Variants in DTNB observed in about 807,000 individuals in gnomAD.
DTNB encodes dystrobrevin beta.
DTNB carries 63 observed loss-of-function variants against 90.7 expected under a neutral mutation model. The observed-to-expected ratio is 0.69, with a 90% CI of 0.57 to 0.86. The LOEUF is 0.86. DTNB is among the 40% of genes least tolerant of loss of function. The pLI, the probability that DTNB is intolerant of heterozygous loss-of-function variation, is 0.00. For missense variants in DTNB, 744 were observed against 807.1 expected, an observed-to-expected ratio of 0.92 and a Z score of 0.95; for synonymous variants, 277 against 286.7, an observed-to-expected ratio of 0.97 and a Z score of 0.34.
At chr2:25,611,423 A>T (rs532586926) in intron 4 of DTNB, among the ~76,000 whole-genome samples, 1 of 152,330 alleles carries the variant, frequency 6.6e-6, no homozygotes, top group East Asian at 1.9e-4. Flanking sequence ...TAAGGATTAT[A>T]TACAATCAGC....
In DTNB at chr2:25,638,906, G is replaced by A. The variant is rs1004699028; in HGVS notation, c.148+108C>T. ...AGCTTACATACTAATAAATACTTAA[G>A]ACAAAAATAATTCAATTAACATTAC... On this transcript the variant is annotated intron_variant, in intron 3 of 20. Transcript: ENST00000406818. 20 of 1,138,076 alleles carry A rather than the reference G, an allele frequency of 1.8e-5. No homozygotes were observed. The African/African-American group carries it at 2.3e-4, about 13-fold the overall frequency. The allele number at this position is 1,138,076 out of a possible 1,614,324, so 70.5% of individuals were successfully genotyped here. A position where few individuals can be genotyped will look rare whatever the true frequency, so the allele number is the denominator to read the frequency against.
intron 5 of DTNB, among the ~76,000 whole-genome samples, chr2:25,606,930 T>C (rs1234831925): frequency 1.3e-5 from 2 of 152,218 alleles, no homozygotes; most frequent in East Asian, 3.8e-4. Context: ...CTCAATATAA[T>C]CATTTTCAAG....
At chr2:25,508,154 CT>C (rs2072963246) in intron 9 of DTNB, among the ~76,000 whole-genome samples, 1 of 152,038 alleles carries the variant, frequency 6.6e-6, no homozygotes, top group Non-Finnish European at 1.5e-5. Flanking sequence ...AGATTTTTGC[CT>C]GTTTCCCACC....
Position 25,455,417 on chromosome 2 carries a change from T to C in DTNB, c.1157A>G (p.Gln386Arg), listed in dbSNP as rs1279559356. The change falls in exon 11 of 21, where the codon CAG becomes CGG. Residue 386 changes from glutamine to arginine, a missense_variant. Physicochemically the swap from Gln to Arg is conservative, Grantham distance 43. Coordinates refer to ENST00000406818, the MANE Select transcript of DTNB (RefSeq NM_021907.5). ...CACCACCACTGACCGTGCACAGTGC[T>C]GCAGACGGGCCACATAGGAGGCTAT... ...ALIASYVARLQHCARVLDSPS... is the reference protein window; with the variant it reads ...ALIASYVARLRHCARVLDSPS... 2 of 1,600,016 alleles carry C rather than the reference T, an allele frequency of 1.2e-6. No homozygotes were observed. Among genetic ancestry groups the C allele is most frequent in the Non-Finnish European group, 1.7e-6 (2 of 1,173,712 alleles).
In DTNB at chr2:25,391,855, T is replaced by G. The variant is rs1231580764; in HGVS notation, c.1576-3494A>C. ...CAACAATGAAATCAAGATGGAAATTTAAAAATTCTTTGAACTGAATAATAG... is the reference window on the plus strand; with the variant it reads ...CAACAATGAAATCAAGATGGAAATTGAAAAATTCTTTGAACTGAATAATAG... On this transcript the variant is annotated intron_variant, in intron 16 of 20. Coordinates refer to ENST00000406818, the MANE Select transcript of DTNB (RefSeq NM_021907.5). 3.3e-5 allele frequency among the ~76,000 whole-genome samples: 5 copies of G among 152,172 alleles called. No homozygotes were observed. In the East Asian group the frequency reaches 9.6e-4, roughly 29 times the overall value.
intron 16 of DTNB, among the ~76,000 whole-genome samples, chr2:25,403,272 C>G (rs2044233514): frequency 6.6e-6 from 1 of 152,204 alleles, no homozygotes; most frequent in African/African-American, 2.4e-5. Flanking sequence ...CCCGCCACCA[C>G]ACCCCGCTAA....
chr2:25,573,191 C>T (rs192239838), intron 8 of DTNB, among the ~76,000 whole-genome samples: 1 of 152,002 alleles, frequency 6.6e-6, no homozygotes, highest in Non-Finnish European at 1.5e-5. Context: ...AGATATCTGC[C>T]CGCCTTGGCC....
chr2:25,414,248 G>GT (rs1003223710), intron 16 of DTNB, among the ~76,000 whole-genome samples: 9 of 151,484 alleles, frequency 5.9e-5, no homozygotes, highest in Non-Finnish European at 1.0e-4. Context: ...TCTGATGGTA[G>GT]TTTTTTTTTG....
At chr2:25,646,414 G>A (rs1461740823) in intron 2 of DTNB, among the ~76,000 whole-genome samples, 1 of 151,946 alleles carries the variant, frequency 6.6e-6, no homozygotes, top group African/African-American at 2.4e-5. Flanking sequence ...GGAGATTGCA[G>A]TGAGCCGAGA....
intron 9 of DTNB, among the ~76,000 whole-genome samples, chr2:25,526,395 A>ATAATTTTT: frequency 2.0e-5 from 1 of 49,858 alleles, no homozygotes. Context: ...ATATATATAT[A>ATAATTTTT]TTTTTTTTTT....
chr2:25,535,470 G>A, intron 8 of DTNB, among the ~76,000 whole-genome samples: 1 of 147,322 alleles, frequency 6.8e-6, no homozygotes, highest in Non-Finnish European at 1.5e-5. Context: ...CCAGGCAGAG[G>A]CGCTCCCCAC....
intron 4 of DTNB, 138 bp downstream of exon 4, chr2:25,628,033 G>A (rs901340221): frequency 3.2e-6 from 3 of 930,730 alleles, no homozygotes; most frequent in African/African-American, 1.7e-5. Flanking sequence ...ACCGTGCCCA[G>A]CCAATAATTT....
intron 12 of DTNB, among the ~76,000 whole-genome samples, chr2:25,442,412 G>A (rs1272909677): frequency 6.6e-6 from 1 of 152,130 alleles, no homozygotes; most frequent in East Asian, 1.9e-4. Context: ...AACCCCCAGT[G>A]CTCAGGTTGT....
chr2:25,425,549 T>C (rs904484905), intron 15 of DTNB, among the ~76,000 whole-genome samples: 1 of 152,212 alleles, frequency 6.6e-6, no homozygotes, highest in Non-Finnish European at 1.5e-5. Flanking sequence ...TCTCCTATTA[T>C]CCTTTAGTTT....
chr2:25,411,699 C>T (rs1486233120), intron 16 of DTNB, among the ~76,000 whole-genome samples: 5 of 152,168 alleles, frequency 3.3e-5, no homozygotes, highest in Non-Finnish European at 5.9e-5. Context: ...ACCACTGGCC[C>T]GGCTTGTGTT....
At chr2:25,584,561 A>C (rs1572944783) in intron 6 of DTNB, among the ~76,000 whole-genome samples, 2 of 149,892 alleles carry the variant, frequency 1.3e-5, no homozygotes, top group African/African-American at 5.0e-5. Context: ...TCTCAATTTT[A>C]CTTTTTTTTT....
chr2:25,543,853 G>C (rs921578797), intron 8 of DTNB, among the ~76,000 whole-genome samples: 51 of 152,204 alleles, frequency 3.4e-4, no homozygotes, highest in African/African-American at 1.2e-3. Context: ...AACATTTATT[G>C]AGAACTTACT....
intron 9 of DTNB, among the ~76,000 whole-genome samples, chr2:25,524,558 C>G (rs760705399): frequency 2.0e-5 from 3 of 151,934 alleles, no homozygotes; most frequent in Admixed American, 6.6e-5. Flanking sequence ...CTACAGCTGA[C>G]CAGTATCTGG....
intron 8 of DTNB, among the ~76,000 whole-genome samples, chr2:25,554,435 T>C (rs190632138): frequency 2.0e-5 from 3 of 152,278 alleles, no homozygotes; most frequent in Admixed American, 2.0e-4. Context: ...TTAAAGGTAA[T>C]ATATTACCCA....
Sources: gnomAD v4.1 joint callset for allele counts (sites outside exome capture counted in the v4.1 genomes callset) on GRCh38, gnomAD v4.1.1 for gene constraint, MANE v1.5 for transcripts, NCBI Gene and HGNC (gene_info 2026-07-23, HGNC 2026-07-21) for gene names.